Variants in ANAPC10 observed in about 807,000 individuals in gnomAD.
ANAPC10 encodes the protein anaphase promoting complex subunit 10.
In ANAPC10, 12 loss-of-function variants were observed where a neutral mutation model predicts 22.0. The ratio of observed to expected loss-of-function variants is 0.55; its 90% confidence interval spans 0.35 to 0.88. ANAPC10 has a LOEUF of 0.88. ANAPC10 is among the 40% of genes least tolerant of loss of function. ANAPC10 has a pLI of 0.01. For synonymous variants in ANAPC10, 65 were observed against 69.5 expected (o/e 0.94, Z 0.32); for missense variants, 188 against 220.9 (o/e 0.85, Z 0.94).
At chr4:145,004,895 A>G (rs933368743) in intron 4 of ANAPC10, among the ~76,000 whole-genome samples, 1 of 151,490 alleles carries the variant, frequency 6.6e-6, no homozygotes, top group East Asian at 1.9e-4. Context: ...CTCTTCCTCA[A>G]AATTTCAGTA....
At chr4:145,066,414 A>G (rs980942115) in intron 3 of ANAPC10, among the ~76,000 whole-genome samples, 2 of 152,176 alleles carry the variant, frequency 1.3e-5, no homozygotes, top group Non-Finnish European at 2.9e-5. Flanking sequence ...TTGATGAGCC[A>G]TAAGCAGGAA....
At chr4:145,079,804 A>G (rs1193738125) in intron 3 of ANAPC10, among the ~76,000 whole-genome samples, 11 of 152,292 alleles carry the variant, frequency 7.2e-5, no homozygotes, top group Middle Eastern at 3.4e-3. Context: ...GTTCTCACTT[A>G]TAAGTGGGAA....
In ANAPC10 at chr4:145,096,062, G is replaced by A; in HGVS notation, c.38C>T (p.Pro13Leu). Residue 13 changes from proline to leucine, a missense_variant, in exon 2 of 5, where the codon CCC (proline) becomes CTC (leucine). Transcript: ENST00000507656. The part of the protein sequence containing the change: ...TPNKTPPGAD[P>L]KQLERTGTVR... ...TGTTCCAGTCCTTTCCAACTGCTTGGGGTCAGCACCAGGAGGTGTCTTGTT... is the reference window on the plus strand; with the variant it reads ...TGTTCCAGTCCTTTCCAACTGCTTGAGGTCAGCACCAGGAGGTGTCTTGTT... The A allele has an allele frequency of 6.2e-7, 1 of 1,614,082 alleles. No individual in the cohort carries two copies. The highest frequency in any genetic ancestry group is 8.5e-7 in the Non-Finnish European group (1 of 1,180,014).
At chr4:145,069,088 C>T (rs979262373) in intron 3 of ANAPC10, among the ~76,000 whole-genome samples, 7 of 152,222 alleles carry the variant, frequency 4.6e-5, no homozygotes, top group Admixed American at 4.6e-4. Context: ...GAGACATCTG[C>T]TCATGAAGGT....
chr4:145,069,644 A>G lies in ANAPC10; in HGVS notation c.207-4952T>C, dbSNP rs535395847. On this transcript the variant is annotated intron_variant, in intron 3 of 4. Transcript: ENST00000507656. ...ATCTTGCCCAAGAGAAATGATCTTA[A>G]AGAGTGGTCTGGGGACCTACAGAGG... Among the ~76,000 whole-genome samples the G allele has an allele frequency of 2.6e-5, 4 of 152,332 alleles. No homozygotes were observed. The East Asian group carries it at 7.7e-4, about 29-fold the overall frequency.
At chr4:145,040,172 C>T (rs781487651) in intron 4 of ANAPC10, among the ~76,000 whole-genome samples, 22 of 148,434 alleles carry the variant, frequency 1.5e-4, no homozygotes, top group African/African-American at 3.7e-4. Flanking sequence ...TGTTTTGAGA[C>T]GGAGTTTTGC....
At chr4:145,020,152 T>C (rs1735765752) in intron 4 of ANAPC10, among the ~76,000 whole-genome samples, 1 of 152,128 alleles carries the variant, frequency 6.6e-6, no homozygotes. Flanking sequence ...CACAGACCCA[T>C]ATCCCTGATG....
chr4:145,071,226 G>C (rs1387585328), intron 3 of ANAPC10, among the ~76,000 whole-genome samples: 5 of 152,118 alleles, frequency 3.3e-5, no homozygotes, highest in African/African-American at 1.2e-4. Context: ...GACCAACATG[G>C]AGAAACCCCA....
intron 3 of ANAPC10, among the ~76,000 whole-genome samples, chr4:145,073,907 C>T (rs1277890546): frequency 6.6e-6 from 1 of 151,772 alleles, no homozygotes; most frequent in Non-Finnish European, 1.5e-5. Flanking sequence ...GAAGGCAGAT[C>T]AAACAAAAGC....
intron 4 of ANAPC10, among the ~76,000 whole-genome samples, chr4:145,022,181 A>G (rs1736051724): frequency 6.6e-6 from 1 of 152,150 alleles, no homozygotes; most frequent in African/African-American, 2.4e-5. Context: ...AAATGAAGTC[A>G]TTATATGAAA....
intron 3 of ANAPC10, among the ~76,000 whole-genome samples, chr4:145,076,217 G>A (rs1223351134): frequency 6.6e-6 from 1 of 152,194 alleles, no homozygotes; most frequent in African/African-American, 2.4e-5. Context: ...CAGCACACTG[G>A]AAACACTGTG....
intron 4 of ANAPC10, among the ~76,000 whole-genome samples, chr4:145,005,432 T>C (rs963766621): frequency 1.3e-5 from 2 of 152,108 alleles, no homozygotes; most frequent in African/African-American, 4.8e-5. Context: ...AATGATCCTT[T>C]GTATGGTTTT....
At chr4:144,998,976 T>C (rs2126838995) in intron 4 of ANAPC10, among the ~76,000 whole-genome samples, 1 of 152,176 alleles carries the variant, frequency 6.6e-6, no homozygotes, top group East Asian at 1.9e-4. Context: ...CACCAGAGAA[T>C]ACTATAAACA....
intron 4 of ANAPC10, among the ~76,000 whole-genome samples, chr4:145,060,085 T>C (rs1347563004): frequency 6.6e-6 from 1 of 152,106 alleles, no homozygotes; most frequent in Non-Finnish European, 1.5e-5. Context: ...CACTTCTATA[T>C]AGAAATAGTC....
Position 144,995,622 on chromosome 4 carries a change from T to A in ANAPC10, c.328-19A>T. 1 of 1,513,614 alleles carries A rather than the reference T, an allele frequency of 6.6e-7. No individual in the cohort carries two copies. Among genetic ancestry groups the A allele is most frequent in the Non-Finnish European group, 9.1e-7 (1 of 1,098,026 alleles). 93.8% of individuals were successfully genotyped at this position (1,513,614 alleles called of 1,614,324 possible). On this transcript the variant is annotated intron_variant, in intron 4 of 4. Transcript: ENST00000507656. ...CAAGTTGCTGCCAAGGGAAAAAAAA[T>A]CAGATTATGCTTTTATTCAACAAAT...
chr4:145,087,622 G>C (rs560960374), intron 2 of ANAPC10, among the ~76,000 whole-genome samples: 148 of 152,308 alleles, frequency 9.7e-4, no homozygotes, highest in African/African-American at 3.4e-3. Context: ...CTCAGTAACA[G>C]TAGTAACATT....
intron 2 of ANAPC10, among the ~76,000 whole-genome samples, chr4:145,093,999 A>G (rs1748102219): frequency 6.6e-6 from 1 of 152,188 alleles, no homozygotes; most frequent in Admixed American, 6.5e-5. Context: ...GCCTTATTCT[A>G]CTGGTCCCAG....
intron 3 of ANAPC10, among the ~76,000 whole-genome samples, chr4:145,078,403 C>T (rs1214118192): frequency 1.3e-5 from 2 of 152,078 alleles, no homozygotes; most frequent in Non-Finnish European, 2.9e-5. Context: ...ACATCCCATG[C>T]TCATGGATAG....
Position 145,008,933 on chromosome 4 carries a change from G to A in ANAPC10, c.328-13330C>T, listed in dbSNP as rs192827859. On this transcript the variant is annotated intron_variant, in intron 4 of 4. Coordinates refer to ENST00000507656, the MANE Select transcript of ANAPC10 (RefSeq NM_001256706.2). ...TGCAGATGACATGATTATATATTTA[G>A]AAAACCCCACTGTCTCAGCCCAAAA... 5.4e-3 allele frequency among the ~76,000 whole-genome samples: 818 copies of A among 151,938 alleles called. 2 individuals carry two copies. Among genetic ancestry groups the A allele is most frequent in the Non-Finnish European group, 8.1e-3 (548 of 67,866 alleles).
Sources: gnomAD v4.1 joint callset for allele counts (sites outside exome capture counted in the v4.1 genomes callset) on GRCh38, gnomAD v4.1.1 for gene constraint, MANE v1.5 for transcripts, NCBI Gene and HGNC (gene_info 2026-07-23, HGNC 2026-07-21) for gene names.